Variants in UBN2 observed in about 807,000 individuals in gnomAD.
The protein encoded by UBN2 is ubinuclein-2.
A neutral mutation model predicts 120.2 loss-of-function variants in UBN2; 35 were observed. The ratio of observed to expected loss-of-function variants is 0.29; its 90% confidence interval spans 0.22 to 0.39. The LOEUF is 0.39. Among genes scored for constraint, UBN2 ranks in the 10% least tolerant of loss-of-function variants. The probability of loss-of-function intolerance (pLI) is 1.00; values close to 1 mark genes in which losing one functional copy is unlikely to be tolerated. For missense variants in UBN2, 1,693 were observed against 1,663.2 expected (o/e 1.02, Z -0.31); for synonymous variants, 661 against 648.7 (o/e 1.02, Z -0.29).
At chr7:139,312,385 C>T (rs1243302472), downstream of UBN2, among the ~76,000 whole-genome samples, 2 of 152,218 alleles carry the variant, frequency 1.3e-5, no homozygotes, top group Non-Finnish European at 2.9e-5. Flanking sequence ...CTTACTGCTA[C>T]ACGGATTCCC....
intron 7 of UBN2, among the ~76,000 whole-genome samples, 199 bp from the exon 8 acceptor site, chr7:139,269,195 A>G (rs528799935): frequency 6.6e-5 from 10 of 152,306 alleles, no homozygotes; most frequent in East Asian, 5.8e-4. Flanking sequence ...GGCTACAAGA[A>G]CAAAACTCTG....
At chr7:139,290,439 A>C (rs1256868368) in intron 15 of UBN2, among the ~76,000 whole-genome samples, 1 of 152,216 alleles carries the variant, frequency 6.6e-6, no homozygotes, top group East Asian at 1.9e-4. Context: ...TGTAAGAGCA[A>C]ATTTTGGTAA....
chr7:139,279,037 T>C (rs1797526976), intron 12 of UBN2, among the ~76,000 whole-genome samples: 1 of 152,106 alleles, frequency 6.6e-6, no homozygotes, highest in Non-Finnish European at 1.5e-5. Flanking sequence ...TTGAAGCTCT[T>C]TTTTTGGGGG....
chr7:139,301,900 T>G lies in UBN2; in HGVS notation c.*4064T>G, dbSNP rs1798266729. 2 of 152,156 alleles carry G rather than the reference T, an allele frequency of 1.3e-5. 1 individual carries two copies. The highest frequency in any genetic ancestry group is 2.9e-5 in the Non-Finnish European group (2 of 68,030). 9.4% of individuals were successfully genotyped at this position (152,156 alleles called of 1,614,324 possible). On this transcript the variant is annotated 3_prime_UTR_variant, in exon 18 of 18. Coordinates refer to ENST00000473989, the MANE Select transcript of UBN2 (RefSeq NM_173569.4). The stretch of plus-strand genomic sequence containing the variant: ...TTTGCTTTTGAGGGGGCTTTTGTGT[T>G]TGTAATAATGAAGCAGAAGAAAAGT...
rs957321663 is a variant in UBN2 at position 139,305,962 on chromosome 7, TTA to T, written c.*8128_*8129del. On this transcript the variant is annotated 3_prime_UTR_variant, in exon 18 of 18. Coordinates refer to ENST00000473989, the MANE Select transcript of UBN2 (RefSeq NM_173569.4). ...GCAAACAGGCCATATGAATCAAATT[TTA>T]TGTTTGTTCCTCACAAAATTTTCTA... 1 of 152,206 alleles carries T rather than the reference TTA, an allele frequency of 6.6e-6. No individual in the cohort carries two copies. Among genetic ancestry groups the T allele is most frequent in the Non-Finnish European group, 1.5e-5 (1 of 68,040 alleles). 9.4% of individuals were successfully genotyped at this position (152,206 alleles called of 1,614,324 possible).
At chr7:139,267,548 A>AG (rs1289128390) in intron 7 of UBN2, among the ~76,000 whole-genome samples, 1 of 151,922 alleles carries the variant, frequency 6.6e-6, no homozygotes, top group African/African-American at 2.4e-5. Context: ...AAAAAAAAAA[A>AG]AGAGAGAAAG....
At chr7:139,248,128 T>C (rs1039752304) in intron 2 of UBN2, among the ~76,000 whole-genome samples, 13 of 152,334 alleles carry the variant, frequency 8.5e-5, no homozygotes, top group African/African-American at 3.1e-4. Flanking sequence ...CTTAACATAT[T>C]GCTTTCTATG....
chr7:139,279,448 C>A, intron 13 of UBN2, 88 bp downstream of exon 13: 1 of 1,051,586 alleles, frequency 9.5e-7, no homozygotes, highest in Non-Finnish European at 1.4e-6. Flanking sequence ...TGGTATTTAG[C>A]AGAGGTCAGT....
rs756370426 is a variant in UBN2, at chr7:139,261,748, G to A, written c.1395+7G>A. On this transcript the variant is annotated splice_region_variant and intron_variant, in intron 6 of 17. Transcript: ENST00000473989. ...TATCGAAGACCTTCGTGTAGTAAGT[G>A]TAATAATTCTCTTGCTTTTTATTTG... 1 of 1,595,654 alleles carries A rather than the reference G, an allele frequency of 6.3e-7. No homozygotes were observed.
chr7:139,282,899 GTC>G (rs1176399922), intron 14 of UBN2, 123 bp from the exon 15 acceptor site: 4 of 900,852 alleles, frequency 4.4e-6, no homozygotes, highest in African/African-American at 3.4e-5. Flanking sequence ...TGTTTTGATA[GTC>G]TCTGAAGATT....
chr7:139,282,306 A>G (rs757390458), intron 14 of UBN2, among the ~76,000 whole-genome samples: 3 of 152,178 alleles, frequency 2.0e-5, no homozygotes, highest in Non-Finnish European at 2.9e-5. Flanking sequence ...AAGGTTGATT[A>G]TTTGAGAAAC....
Position 139,261,242 on chromosome 7 carries a change from G to A in UBN2, c.906-10G>A, listed in dbSNP as rs187469029. The A allele has an allele frequency of 2.4e-4, 384 of 1,584,916 alleles. 1 individual carries two copies. The African/African-American group carries it at 4.9e-3, about 20-fold the overall frequency. On this transcript the variant is annotated splice_polypyrimidine_tract_variant and intron_variant, in intron 5 of 17. Transcript: ENST00000473989. ...ACACATAGCCTAACTGATCATTTTT[G>A]TCTTCACAGAGTTGTGGCTCTAAAT...
rs1019034385 is a variant in UBN2, at chr7:139,301,526, G to A, written c.*3690G>A. 2 of 152,166 alleles carry A rather than the reference G, an allele frequency of 1.3e-5. No homozygotes were observed. The highest frequency in any genetic ancestry group is 1.3e-4 in the Admixed American group (2 of 15,278). The allele number at this position is 152,166 out of a possible 1,614,324, so 9.4% of individuals were successfully genotyped here. A position where few individuals can be genotyped will look rare whatever the true frequency, so the allele number is the denominator to read the frequency against. ...TACATTTGTAAAATGAACTTTGCCT[G>A]TATTGGTTGACTTTAATTTACAGTT... On this transcript the variant is annotated 3_prime_UTR_variant, in exon 18 of 18. Coordinates refer to ENST00000473989, the MANE Select transcript of UBN2 (RefSeq NM_173569.4).
chr7:139,283,995 C>T lies in UBN2; in HGVS notation c.3090C>T (p.Pro1030=). 6.2e-7 allele frequency: 1 copy of T among 1,614,166 alleles called. No individual in the cohort carries two copies. Among genetic ancestry groups the T allele is most frequent in the East Asian group, 2.2e-5 (1 of 44,882 alleles). The change falls in exon 15 of 18, where the codon CCC becomes CCT. Residue 1030 remains proline, a synonymous_variant. Transcript: ENST00000473989. ...SQISTQGFKS[P]FSMAASPKLA... ...TCTCCACGCAGGGTTTCAAATCTCC[C>T]TTCTCGATGGCTGCCTCCCCAAAAC...
the UBN2 span, among the ~76,000 whole-genome samples, chr7:139,316,736 ACT>A: frequency 5.9e-5 from 9 of 151,820 alleles, 1 homozygote; most frequent in South Asian, 1.9e-3. Context: ...CAAGAGTGAA[ACT>A]CTGTCTCAAA....
At chr7:139,245,899 T>C (rs1796456440) in intron 2 of UBN2, among the ~76,000 whole-genome samples, 1 of 152,094 alleles carries the variant, frequency 6.6e-6, no homozygotes, top group Non-Finnish European at 1.5e-5. Flanking sequence ...GTTGGAAAAT[T>C]GTAAGAAAAA....
chr7:139,328,231 A>T, the UBN2 span, among the ~76,000 whole-genome samples: 1 of 152,202 alleles, frequency 6.6e-6, no homozygotes, highest in Non-Finnish European at 1.5e-5. Flanking sequence ...ACTTACAATC[A>T]TGATGGAAGG....
chr7:139,258,673 G>A, intron 4 of UBN2, 48 bp downstream of exon 4: 2 of 1,464,554 alleles, frequency 1.4e-6, no homozygotes, highest in South Asian at 1.5e-5. Context: ...TCAATTAATA[G>A]GATTTTTTTT....
Position 139,266,323 on chromosome 7 carries a change from G to T in UBN2, c.1396-10G>T, listed in dbSNP as rs767882871. On this transcript the variant is annotated splice_polypyrimidine_tract_variant and intron_variant, in intron 6 of 17. Coordinates refer to ENST00000473989, the MANE Select transcript of UBN2 (RefSeq NM_173569.4). ...ATTTTGATTTATTATCATCTTTCTTGTTTCTTTAGGCTGCCAAACTTTTTG... is the reference window on the plus strand; with the variant it reads ...ATTTTGATTTATTATCATCTTTCTTTTTTCTTTAGGCTGCCAAACTTTTTG... 2.0e-6 allele frequency: 3 copies of T among 1,521,852 alleles called. No homozygotes were observed. Among genetic ancestry groups the T allele is most frequent in the East Asian group, 2.4e-5 (1 of 42,082 alleles). 94.3% of individuals were successfully genotyped at this position (1,521,852 alleles called of 1,614,324 possible).
Sources: allele counts gnomAD v4.1 joint callset (sites outside exome capture counted in the v4.1 genomes callset), GRCh38; gene constraint gnomAD v4.1.1; transcripts MANE v1.5; gene names NCBI Gene and HGNC (gene_info 2026-07-23, HGNC 2026-07-21).